OVCH1: variants seen among roughly 807,000 people sequenced by gnomAD.
The protein encoded by OVCH1 is ovochymase-1.
Under a neutral mutation model 138.4 loss-of-function variants are expected in OVCH1, and 139 were observed. That is an observed-to-expected ratio of 1.00 (90% CI 0.87 to 1.16). The LOEUF is 1.16. Ranked by LOEUF, OVCH1 falls within the 50% of genes most tolerant of loss-of-function variation. OVCH1 has a pLI of 0.00. For synonymous variants in OVCH1, 453 were observed against 467.8 expected (o/e 0.97, Z 0.41); for missense variants, 1,367 against 1,357.9 (o/e 1.01, Z -0.11).
At chr12:29,417,677 G>A (rs904959109) in intron 3 of OVCH1, among the ~76,000 whole-genome samples, 4 of 152,006 alleles carry the variant, frequency 2.6e-5, no homozygotes, top group Non-Finnish European at 5.9e-5. Context: ...CATAAAGCAA[G>A]ATAAGGAGGG....
intron 14 of OVCH1, 55 bp from the exon 15 acceptor site, chr12:29,473,158 C>G: frequency 2.4e-6 from 3 of 1,265,732 alleles, no homozygotes. Flanking sequence ...CACTAACTGA[C>G]CCCACTTGCT....
In OVCH1 at chr12:29,489,604, G is replaced by T. The variant is rs777691788; in HGVS notation, c.702+16C>A. ...CACATGTTACTGAACAGCTAGGCTG[G>T]TTTACACTTTTGTACCTGGCAGGCG... is the stretch of plus-strand genomic sequence containing the variant. On this transcript the variant is annotated intron_variant, in intron 6 of 27. Transcript: ENST00000318184. The T allele has an allele frequency of 3.5e-5, 56 of 1,596,118 alleles. No homozygotes were observed. In the South Asian group the frequency reaches 4.3e-4, roughly 12 times the overall value.
At chr12:29,486,193 T>C in intron 8 of OVCH1, 57 bp downstream of exon 8, 2 of 1,475,350 alleles carry the variant, frequency 1.4e-6, no homozygotes, top group Non-Finnish European at 1.9e-6. Context: ...TCCTGTTTGC[T>C]TTCCTCTGAT....
intron 26 of OVCH1, among the ~76,000 whole-genome samples, chr12:29,434,479 G>A (rs553583287): frequency 9.9e-5 from 15 of 151,914 alleles, no homozygotes; most frequent in African/African-American, 2.2e-4. Context: ...TTACTTATTC[G>A]ATAACAAAAT....
At chr12:29,411,587 G>A (rs887668719), downstream of OVCH1, among the ~76,000 whole-genome samples, 2 of 152,104 alleles carry the variant, frequency 1.3e-5, no homozygotes, top group African/African-American at 4.8e-5. Context: ...CTGTTTGCCT[G>A]GGTATCAGCA....
At chr12:29,453,884 G>A (rs1941867832) in intron 21 of OVCH1, among the ~76,000 whole-genome samples, 1 of 151,898 alleles carries the variant, frequency 6.6e-6, no homozygotes, top group African/African-American at 2.4e-5. Context: ...CATCTCAGGG[G>A]GCCTTTATGC....
intron 25 of OVCH1, chr12:29,440,557 C>A: frequency 3.1e-6 from 1 of 322,610 alleles, no homozygotes; most frequent in Non-Finnish European, 6.1e-6. Context: ...GATTAACATG[C>A]CTTCTCTTAT....
chr12:29,423,866 T>G (rs1941140319), downstream of OVCH1, among the ~76,000 whole-genome samples: 1 of 152,160 alleles, frequency 6.6e-6, no homozygotes, highest in Non-Finnish European at 1.5e-5. Flanking sequence ...GGAATGGAAG[T>G]GATGGGGAAC....
intron 7 of OVCH1, among the ~76,000 whole-genome samples, 161 bp from the exon 8 acceptor site, chr12:29,486,509 A>T (rs977158445): frequency 6.6e-6 from 1 of 152,236 alleles, no homozygotes; most frequent in South Asian, 2.1e-4. Context: ...TATGTCTTTT[A>T]AAAAAGGCTA....
chr12:29,427,924 C>G (rs1441745187), intron 27 of OVCH1, among the ~76,000 whole-genome samples: 1 of 152,130 alleles, frequency 6.6e-6, no homozygotes, highest in Non-Finnish European at 1.5e-5. Context: ...TTTGACACCT[C>G]TGAAATTTTG....
At chr12:29,465,697 GC>G (rs1391833569) in intron 16 of OVCH1, among the ~76,000 whole-genome samples, 1 of 152,082 alleles carries the variant, frequency 6.6e-6, no homozygotes, top group Non-Finnish European at 1.5e-5. Context: ...CATGTATCCT[GC>G]CCCTTTCTTT....
intron 3 of OVCH1, among the ~76,000 whole-genome samples, chr12:29,414,658 A>G (rs1941008460): frequency 6.6e-6 from 1 of 152,342 alleles, no homozygotes; most frequent in African/African-American, 2.4e-5. Context: ...AACTATGTCA[A>G]GAATCTTTAA....
intron 8 of OVCH1, among the ~76,000 whole-genome samples, chr12:29,485,562 C>A (rs1417782938): frequency 6.6e-6 from 1 of 152,094 alleles, no homozygotes; most frequent in Admixed American, 6.5e-5. Flanking sequence ...ATTACGAGGT[C>A]AGGAGATCGA....
chr12:29,487,665 T>G, intron 7 of OVCH1, 28 bp downstream of exon 7: 33 of 1,550,046 alleles, frequency 2.1e-5, no homozygotes, highest in Non-Finnish European at 2.6e-5. Context: ...TGAGTTAGGA[T>G]GAGATGAGGA....
chr12:29,457,019 G>A (rs1405900771), intron 19 of OVCH1, among the ~76,000 whole-genome samples: 1 of 152,094 alleles, frequency 6.6e-6, no homozygotes, highest in African/African-American at 2.4e-5. Flanking sequence ...TAAATTGCTG[G>A]TACATATTTG....
At chr12:29,481,882 A>G (rs1187432357) in intron 8 of OVCH1, among the ~76,000 whole-genome samples, 1 of 152,110 alleles carries the variant, frequency 6.6e-6, no homozygotes, top group African/African-American at 2.4e-5. Context: ...CAAAACCCAA[A>G]CTGTCAACTC....
intron 4 of OVCH1, among the ~76,000 whole-genome samples, chr12:29,493,115 G>A (rs995069087): frequency 8.5e-5 from 13 of 152,074 alleles, no homozygotes; most frequent in African/African-American, 2.4e-4. Flanking sequence ...GAGAATTGAG[G>A]AAACGAAATT....
chr12:29,415,226 G>A (rs957947333), intron 3 of OVCH1, among the ~76,000 whole-genome samples: 2 of 152,076 alleles, frequency 1.3e-5, no homozygotes, highest in Non-Finnish European at 2.9e-5. Context: ...ACAGGAAAAA[G>A]GATCAAGATA....
At chr12:29,485,036 TC>T (rs1234141274) in intron 8 of OVCH1, among the ~76,000 whole-genome samples, 1 of 152,194 alleles carries the variant, frequency 6.6e-6, no homozygotes, top group Non-Finnish European at 1.5e-5. Flanking sequence ...AAACACTTCT[TC>T]AGATTTAACA....
Sources: gnomAD v4.1 joint callset for allele counts (sites outside exome capture counted in the v4.1 genomes callset) on GRCh38, gnomAD v4.1.1 for gene constraint, MANE v1.5 for transcripts, NCBI Gene and HGNC (gene_info 2026-07-23, HGNC 2026-07-21) for gene names.